Variants in ADARB2 observed in about 807,000 individuals in gnomAD.
ADARB2 encodes adenosine deaminase RNA specific B2 (inactive), also known as inactive double-stranded RNA-specific editase B2.
In ADARB2, 25 loss-of-function variants were observed where a neutral mutation model predicts 62.2. The observed-to-expected ratio is 0.40, with a 90% CI of 0.29 to 0.56. The LOEUF is 0.56. ADARB2 is among the 20% of genes least tolerant of loss of function. The pLI, the probability that ADARB2 is intolerant of heterozygous loss-of-function variation, is 0.43. For synonymous variants in ADARB2, 572 were observed against 500.8 expected, an observed-to-expected ratio of 1.14 and a Z score of -1.90; for missense variants, 1,071 against 1,077.4, an observed-to-expected ratio of 0.99 and a Z score of 0.08.
chr10:1,728,473 G>A (rs564878404), intron 1 of ADARB2, among the ~76,000 whole-genome samples: 1 of 152,108 alleles, frequency 6.6e-6, no homozygotes, highest in Non-Finnish European at 1.5e-5. Context: ...TTGAATAAAC[G>A]CTTTTGTGCT....
At chr10:1,564,098 C>A (rs1832826363) in intron 1 of ADARB2, among the ~76,000 whole-genome samples, 1 of 151,976 alleles carries the variant, frequency 6.6e-6, no homozygotes, top group Admixed American at 6.5e-5. Context: ...CATACGTGTG[C>A]AGGTGTCTTT....
intron 3 of ADARB2, among the ~76,000 whole-genome samples, chr10:1,326,021 C>A (rs1831841559): frequency 6.6e-6 from 1 of 152,068 alleles, no homozygotes; most frequent in African/African-American, 2.4e-5. Context: ...CCATTCGAAT[C>A]GAAGAGAGAA....
intron 1 of ADARB2, among the ~76,000 whole-genome samples, chr10:1,608,654 A>G (rs1032816295): frequency 1.3e-5 from 2 of 149,688 alleles, no homozygotes; most frequent in African/African-American, 5.0e-5. Flanking sequence ...GGAAGGAGGG[A>G]GGACGAGAAG....
intron 1 of ADARB2, among the ~76,000 whole-genome samples, chr10:1,582,732 C>T (rs952080159): frequency 1.3e-5 from 2 of 152,150 alleles, no homozygotes; most frequent in Admixed American, 6.5e-5. Context: ...TGCTCAAGCT[C>T]CTCTCACCCT....
At chr10:1,645,055 C>CA (rs1342380683) in intron 1 of ADARB2, among the ~76,000 whole-genome samples, 2 of 152,278 alleles carry the variant, frequency 1.3e-5, no homozygotes, top group East Asian at 3.9e-4. Flanking sequence ...TGTTATTTTG[C>CA]AAAAATGCCA....
At chr10:1,589,217 A>C (rs2132006363) in intron 1 of ADARB2, among the ~76,000 whole-genome samples, 1 of 152,338 alleles carries the variant, frequency 6.6e-6, no homozygotes, top group African/African-American at 2.4e-5. Flanking sequence ...GGGCATTTTT[A>C]GGACTGATAC....
intron 3 of ADARB2, chr10:1,293,150 A>AGAAG (rs1831487793): frequency 1.3e-5 from 1 of 75,834 alleles, no homozygotes; most frequent in African/African-American, 5.0e-5. Context: ...AGAGAGAGGG[A>AGAAG]GAGGGAGGGT....
At chr10:1,349,315 C>A (rs186161306) in intron 3 of ADARB2, among the ~76,000 whole-genome samples, 2,591 of 152,152 alleles carry the variant, frequency 0.017, 86 homozygotes, top group African/African-American at 0.059. Context: ...TACCTCCCTT[C>A]GCTGACTCTC....
chr10:1,593,463 T>G (rs1833294368), intron 1 of ADARB2, among the ~76,000 whole-genome samples: 1 of 152,236 alleles, frequency 6.6e-6, no homozygotes, highest in Non-Finnish European at 1.5e-5. Flanking sequence ...TGCCCAATAC[T>G]CTTGAGTTTA....
At chr10:1,417,052 T>A (rs545537339) in intron 1 of ADARB2, among the ~76,000 whole-genome samples, 1 of 151,696 alleles carries the variant, frequency 6.6e-6, no homozygotes, top group East Asian at 1.9e-4. Flanking sequence ...GAAGCATAGA[T>A]CAGATGGCCA....
chr10:1,390,881 T>C (rs1564277374), intron 1 of ADARB2, among the ~76,000 whole-genome samples: 1 of 152,152 alleles, frequency 6.6e-6, no homozygotes, highest in African/African-American at 2.4e-5. Context: ...CTGAAGGAAA[T>C]AATGTATACA....
At chr10:1,720,996 T>C (rs1379586800) in intron 1 of ADARB2, among the ~76,000 whole-genome samples, 1 of 152,182 alleles carries the variant, frequency 6.6e-6, no homozygotes, top group Non-Finnish European at 1.5e-5. Flanking sequence ...ATGAAGATGA[T>C]TTCAAAAATG....
chr10:1,413,752 G>A lies in ADARB2; in HGVS notation c.101-34592C>T, dbSNP rs569986722. Among the ~76,000 whole-genome samples the A allele has an allele frequency of 3.9e-5, 6 of 152,076 alleles. No homozygotes were observed. The South Asian group carries it at 6.2e-4, about 16-fold the overall frequency. On this transcript the variant is annotated intron_variant, in intron 1 of 9. Transcript: ENST00000381312. ...CAGACTGAGCGCTGATGATGCTCCC[G>A]GGCACAATGACAAATTCATCGTTTT...
At chr10:1,597,314 C>G (rs1404242436) in intron 1 of ADARB2, among the ~76,000 whole-genome samples, 1 of 152,052 alleles carries the variant, frequency 6.6e-6, no homozygotes, top group African/African-American at 2.4e-5. Context: ...AGGCAATTCC[C>G]AATTGACAGA....
chr10:1,257,444 T>A (rs1183292067), intron 4 of ADARB2, among the ~76,000 whole-genome samples: 1 of 152,170 alleles, frequency 6.6e-6, no homozygotes, highest in Non-Finnish European at 1.5e-5. Flanking sequence ...GAGACCCCAC[T>A]TCCCTTCCTC....
In ADARB2 at chr10:1,603,369, G is replaced by A. The variant is rs149240450; in HGVS notation, c.100+133682C>T. ...GGCTTGGAGCCCGACCCTGGTAGTCGCTCCGCTCTAAGGACCTTTGCACCT... is the reference window on the plus strand; with the variant it reads ...GGCTTGGAGCCCGACCCTGGTAGTCACTCCGCTCTAAGGACCTTTGCACCT... On this transcript the variant is annotated intron_variant, in intron 1 of 9. Transcript: ENST00000381312. 8.5e-5 allele frequency among the ~76,000 whole-genome samples: 13 copies of A among 152,302 alleles called. No individual in the cohort carries two copies. In the South Asian group the frequency reaches 1.0e-3, roughly 12 times the overall value.
At chr10:1,333,420 G>T (rs529065215) in intron 3 of ADARB2, among the ~76,000 whole-genome samples, 2 of 152,228 alleles carry the variant, frequency 1.3e-5, no homozygotes, top group Admixed American at 1.3e-4. Flanking sequence ...GGAGAGCCAG[G>T]GTTCAGATCC....
chr10:1,479,119 C>T (rs1831437900), intron 1 of ADARB2, among the ~76,000 whole-genome samples: 1 of 152,206 alleles, frequency 6.6e-6, no homozygotes, highest in South Asian at 2.1e-4. Flanking sequence ...CTCTCAGCTA[C>T]AGGGTGACCT....
chr10:1,534,142 T>G (rs1241929654), intron 1 of ADARB2, among the ~76,000 whole-genome samples: 13 of 150,898 alleles, frequency 8.6e-5, no homozygotes, highest in African/African-American at 1.7e-4. Context: ...AAATAGTTTT[T>G]TTTTTTTTTT....
Sources: allele counts gnomAD v4.1 joint callset (sites outside exome capture counted in the v4.1 genomes callset), GRCh38; gene constraint gnomAD v4.1.1; transcripts MANE v1.5; gene names NCBI Gene and HGNC (gene_info 2026-07-23, HGNC 2026-07-21).